Variants in DSG4 observed in about 807,000 individuals in gnomAD.
DSG4 encodes the protein desmoglein 4, also known as desmoglein-4.
Under a neutral mutation model 93.1 loss-of-function variants are expected in DSG4, and 87 were observed. That is an observed-to-expected ratio of 0.93 (90% confidence interval 0.79 to 1.12). DSG4 has a LOEUF of 1.12. Ranked by LOEUF, DSG4 falls within the 50% of genes most tolerant of loss-of-function variation. The pLI is 0.00. For missense variants in DSG4, 1,373 were observed against 1,285.7 expected (o/e 1.07, Z -1.04); for synonymous variants, 432 against 452.9 (o/e 0.95, Z 0.59).
chr18:31,392,736 A>G (rs2072263183), intron 8 of DSG4, among the ~76,000 whole-genome samples: 1 of 152,224 alleles, frequency 6.6e-6, no homozygotes, highest in African/African-American at 2.4e-5. Flanking sequence ...CTTCTGAGCT[A>G]GATTTGTCTG....
At position 31,414,261 on chromosome 18, in the gene DSG4, A is replaced by T. The variant is rs970745872; in HGVS notation, c.*666A>T. 3 of 152,136 alleles carry T rather than the reference A, an allele frequency of 2.0e-5. No homozygotes were observed. The highest frequency in any genetic ancestry group is 7.2e-5 in the African/African-American group (3 of 41,422). 9.4% of individuals were successfully genotyped at this position (152,136 alleles called of 1,614,324 possible). A position where few individuals can be genotyped will look rare whatever the true frequency, so the allele number is the denominator to read the frequency against. On this transcript the variant is annotated 3_prime_UTR_variant, in exon 16 of 16. Coordinates refer to ENST00000308128, the MANE Select transcript of DSG4 (RefSeq NM_177986.5). ...TTATTGAACTTTATTGATTTATATG[A>T]TTAACTGTAAATTAATCTAGAATAG...
At chr18:31,392,040 G>C in intron 7 of DSG4, 115 bp from the exon 8 acceptor site, 1 of 961,100 alleles carries the variant, frequency 1.0e-6, no homozygotes, top group South Asian at 1.5e-5. Flanking sequence ...TTTAATAATG[G>C]TGCAAAAATC....
At chr18:31,402,486 T>C (rs1354854720) in intron 10 of DSG4, among the ~76,000 whole-genome samples, 1 of 152,120 alleles carries the variant, frequency 6.6e-6, no homozygotes, top group African/African-American at 2.4e-5. Context: ...CAATGCTGAA[T>C]AGGGTATATA....
intron 1 of DSG4, among the ~76,000 whole-genome samples, chr18:31,380,510 C>A (rs191719015): frequency 6.6e-6 from 1 of 152,276 alleles, no homozygotes; most frequent in Non-Finnish European, 1.5e-5. Flanking sequence ...TCAGACATAA[C>A]TTGCATGAGA....
intron 1 of DSG4, among the ~76,000 whole-genome samples, chr18:31,379,731 T>A (rs928560775): frequency 1.1e-4 from 17 of 152,204 alleles, no homozygotes; most frequent in African/African-American, 4.1e-4. Context: ...ATATTTAAAA[T>A]TAACTTAGCC....
At chr18:31,406,864 G>A (rs141458565) in intron 12 of DSG4, among the ~76,000 whole-genome samples, 7,219 of 151,544 alleles carry the variant, frequency 0.048, 561 homozygotes, top group African/African-American at 0.17. Flanking sequence ...TGCAACTTCT[G>A]CCTCCCAGGT....
Position 31,413,149 on chromosome 18 carries a change from G to T in DSG4, c.2677G>T (p.Glu893Ter). 6.2e-7 allele frequency: 1 copy of T among 1,614,106 alleles called. No individual in the cohort carries two copies. Among genetic ancestry groups the T allele is most frequent in the South Asian group, 1.1e-5 (1 of 91,078 alleles). Reference protein sequence around the residue: ...LTPSEVEFQEEMAASEPVVHG... With the variant: ...LTPSEVEFQE ...TCCCTCAGAAGTTGAATTCCAAGAAGAAATGGCAGCATCTGAACCCGTGGT... is the reference window on the plus strand; with the variant it reads ...TCCCTCAGAAGTTGAATTCCAAGAATAAATGGCAGCATCTGAACCCGTGGT... The change falls in exon 16 of 16, where the codon GAA (glutamate) becomes TAA (stop). Residue 893 changes from glutamate to a stop codon, truncating the protein, a stop_gained. Coordinates refer to ENST00000308128, the MANE Select transcript of DSG4 (RefSeq NM_177986.5). LOFTEE classifies it low-confidence loss of function (END_TRUNC).
rs144241158 is a variant in DSG4 at position 31,394,026 on chromosome 18, A to C, written c.1005+1686A>C. ...TTTGGAAAACATTGCTTTGGGCCAG[A>C]GGTCAGCAAACTATGATCCAGAGGT... On this transcript the variant is annotated intron_variant, in intron 8 of 15. Transcript: ENST00000308128. 1.9e-3 allele frequency among the ~76,000 whole-genome samples: 292 copies of C among 152,306 alleles called. 2 individuals are homozygous for C. Among genetic ancestry groups the C allele is most frequent in the African/African-American group, 6.8e-3 (283 of 41,562 alleles).
At chr18:31,393,463 A>C (rs2072271991) in intron 8 of DSG4, among the ~76,000 whole-genome samples, 1 of 152,140 alleles carries the variant, frequency 6.6e-6, no homozygotes. Flanking sequence ...TGGAAGGCAA[A>C]GGGGGAGCCA....
At chr18:31,397,015 T>C (rs973145675) in intron 8 of DSG4, among the ~76,000 whole-genome samples, 10 of 151,960 alleles carry the variant, frequency 6.6e-5, no homozygotes, top group Non-Finnish European at 1.2e-4. Context: ...TCCCCTGCTG[T>C]TGAAAAACTG....
chr18:31,405,544 T>C (rs1598749808), intron 11 of DSG4, among the ~76,000 whole-genome samples: 3 of 151,858 alleles, frequency 2.0e-5, no homozygotes, highest in Non-Finnish European at 4.4e-5. Context: ...TAAGCAATAC[T>C]TATTTAAAAA....
chr18:31,400,963 A>G lies in DSG4; in HGVS notation c.1360A>G (p.Lys454Glu). The G allele has an allele frequency of 6.2e-7, 1 of 1,611,994 alleles. No homozygotes were observed. The highest frequency in any genetic ancestry group is 8.5e-7 in the Non-Finnish European group (1 of 1,178,620). ...GATACAATTTTCTAGAGAATTTGAT[A>G]AGAAGTCAAAATATATTATCAATGG... ...GEIQFSREFD[K>E]KSKYIINGIY... is the part of the protein sequence containing the mutation. Residue 454 changes from lysine to glutamate, a missense_variant, in exon 10 of 16, where the codon AAG becomes GAG. By Grantham distance (56) the Lys-to-Glu change is moderately conservative (BLOSUM62 1). Transcript: ENST00000308128.
intron 12 of DSG4, 133 bp from the exon 13 acceptor site, chr18:31,409,319 T>G: frequency 5.9e-6 from 8 of 1,366,820 alleles, no homozygotes; most frequent in Non-Finnish European, 7.2e-6. Flanking sequence ...AGGAAAAAAA[T>G]GAGATTTTCT....
chr18:31,382,245 T>G (rs545162218), intron 1 of DSG4: 50 of 152,344 alleles, frequency 3.3e-4, no homozygotes, highest in African/African-American at 1.2e-3. Context: ...TGTCTTTTAC[T>G]CGGGGCCTCA....
At chr18:31,395,035 T>C (rs1484282235) in intron 8 of DSG4, among the ~76,000 whole-genome samples, 1 of 152,150 alleles carries the variant, frequency 6.6e-6, no homozygotes, top group African/African-American at 2.4e-5. Context: ...CCTGGTCCAG[T>C]GTCCAAAAGA....
intron 9 of DSG4, 139 bp downstream of exon 9, chr18:31,399,682 G>A: frequency 2.6e-6 from 3 of 1,141,076 alleles, no homozygotes; most frequent in Non-Finnish European, 3.8e-6. Context: ...GACTATTAGA[G>A]CATTTGAAAT....
intron 3 of DSG4, among the ~76,000 whole-genome samples, chr18:31,387,830 T>C (rs527832040): frequency 2.6e-5 from 4 of 152,292 alleles, no homozygotes; most frequent in African/African-American, 9.6e-5. Context: ...AAGCAAAATC[T>C]GTGTGGCAGA....
intron 2 of DSG4, among the ~76,000 whole-genome samples, chr18:31,386,145 A>G (rs2072184618): frequency 6.6e-6 from 1 of 152,144 alleles, no homozygotes; most frequent in Admixed American, 6.6e-5. Context: ...TCCAATATTA[A>G]TAATATGTTT....
At chr18:31,401,949 T>C (rs952273829) in intron 10 of DSG4, among the ~76,000 whole-genome samples, 4 of 152,172 alleles carry the variant, frequency 2.6e-5, no homozygotes, top group Admixed American at 2.0e-4. Flanking sequence ...GCGGGTAAAT[T>C]TTAACGCCTG....
Sources: gnomAD v4.1 joint callset for allele counts (sites outside exome capture counted in the v4.1 genomes callset) on GRCh38, gnomAD v4.1.1 for gene constraint, MANE v1.5 for transcripts, NCBI Gene and HGNC (gene_info 2026-07-23, HGNC 2026-07-21) for gene names.